S100A8: variants seen among roughly 807,000 people sequenced by gnomAD.
S100A8 encodes S100 calcium binding protein A8, also known as protein S100-A8.
S100A8 carries 1 observed loss-of-function variant against 4.2 expected under a neutral mutation model. The observed-to-expected ratio is 0.24, with a 90% confidence interval of 0.08 to 1.12. The LOEUF (loss-of-function observed/expected upper bound fraction) is 1.12, where lower values mean the gene tolerates loss of function less well. S100A8 is among the 50% of genes most tolerant of loss of function. S100A8 has a pLI of 0.53. For synonymous variants in S100A8, 41 were observed against 44.7 expected (o/e 0.92, Z 0.33); for missense variants, 96 against 111.8 (o/e 0.86, Z 0.64).
the S100A8 span, among the ~76,000 whole-genome samples, chr1:153,411,148 A>G: frequency 2.0e-5 from 3 of 152,164 alleles, no homozygotes; most frequent in Non-Finnish European, 1.5e-5. Context: ...GGCAGGAGAA[A>G]GAAATAAAGG....
the S100A8 span, among the ~76,000 whole-genome samples, chr1:153,417,526 A>T: frequency 6.6e-6 from 1 of 152,168 alleles, no homozygotes; most frequent in Non-Finnish European, 1.5e-5. Context: ...CCACGCTCAC[A>T]TGTGCACCTG....
the S100A8 span, chr1:153,419,235 T>C: frequency 1.2e-6 from 2 of 1,614,234 alleles, no homozygotes; most frequent in Non-Finnish European, 1.7e-6. Flanking sequence ...GTTTCTGTCC[T>C]TGCTGGGAGA....
At chr1:153,391,221 T>C (rs1662089749), upstream of S100A8, 1 of 985,252 alleles carries the variant, frequency 1.0e-6, no homozygotes, top group Non-Finnish European at 1.2e-6. Flanking sequence ...CTGTGCAGAA[T>C]GAAAATTTTG....
chr1:153,416,076 G>T, the S100A8 span, among the ~76,000 whole-genome samples: 1 of 152,194 alleles, frequency 6.6e-6, no homozygotes, highest in Non-Finnish European at 1.5e-5. Context: ...AGAGCAGCAG[G>T]TGTCTTGATG....
the S100A8 span, chr1:153,418,059 C>T: frequency 3.1e-6 from 5 of 1,613,244 alleles, no homozygotes; most frequent in East Asian, 2.2e-5. Flanking sequence ...GTCTTTATTT[C>T]CTGAAGGCTT....
the S100A8 span, among the ~76,000 whole-genome samples, chr1:153,412,704 A>G: frequency 5.3e-5 from 8 of 152,206 alleles, no homozygotes; most frequent in Non-Finnish European, 8.8e-5. Flanking sequence ...TTGCAGCACT[A>G]TTCACAATAG....
chr1:153,402,114 A>C, the S100A8 span, among the ~76,000 whole-genome samples: 1 of 152,182 alleles, frequency 6.6e-6, no homozygotes, highest in African/African-American at 2.4e-5. Flanking sequence ...ATTTGAGCAT[A>C]GGGAGTCCCT....
At position 153,390,512 on chromosome 1, in the gene S100A8, G is replaced by C. The variant is rs1662065141; in HGVS notation, c.24C>G (p.Ala8=). 8.1e-6 allele frequency: 13 copies of C among 1,614,206 alleles called. No individual in the cohort carries two copies. The highest frequency in any genetic ancestry group is 1.1e-5 in the Non-Finnish European group (13 of 1,180,034). The part of the protein sequence containing the change: MLTELEK[A]LNSIIDVYHK... Reference sequence around the variant, plus strand: ...GGTAGACGTCGATGATAGAGTTCAAGGCTTTCTCCAGCTCGGTCAACATGA... The same window carrying C: ...GGTAGACGTCGATGATAGAGTTCAACGCTTTCTCCAGCTCGGTCAACATGA... Residue 8 remains alanine, a synonymous_variant, in exon 2 of 3, where the codon GCC becomes GCG. Coordinates refer to ENST00000368733, the MANE Select transcript of S100A8 (RefSeq NM_002964.5).
At chr1:153,415,308 A>C in the S100A8 span, among the ~76,000 whole-genome samples, 17 of 152,102 alleles carry the variant, frequency 1.1e-4, no homozygotes, top group Non-Finnish European at 1.6e-4. Context: ...AAGTTGAAGA[A>C]AGATGATGGG....
At chr1:153,397,043 G>C in the S100A8 span, among the ~76,000 whole-genome samples, 1 of 152,252 alleles carries the variant, frequency 6.6e-6, no homozygotes, top group Non-Finnish European at 1.5e-5. Flanking sequence ...ATGGTTTACT[G>C]TCTGCAGTGC....
chr1:153,390,965 G>A, intron 1 of S100A8, 76 bp downstream of exon 1: 2 of 963,820 alleles, frequency 2.1e-6, no homozygotes, highest in Non-Finnish European at 2.5e-6. Flanking sequence ...TCCTCTCTCA[G>A]GAAGGCTGCT....
At chr1:153,401,458 CAT>C in the S100A8 span, among the ~76,000 whole-genome samples, 1 of 152,170 alleles carries the variant, frequency 6.6e-6, no homozygotes, top group Non-Finnish European at 1.5e-5. Flanking sequence ...GAACCATAAA[CAT>C]GGTGCCAAGC....
At chr1:153,415,552 A>G in the S100A8 span, among the ~76,000 whole-genome samples, 1 of 152,172 alleles carries the variant, frequency 6.6e-6, no homozygotes, top group Non-Finnish European at 1.5e-5. Context: ...GGCTTTCCAC[A>G]GCAGGTTAGG....
chr1:153,414,677 T>A, the S100A8 span, among the ~76,000 whole-genome samples: 1 of 152,174 alleles, frequency 6.6e-6, no homozygotes, highest in Non-Finnish European at 1.5e-5. Flanking sequence ...CACAAAATAG[T>A]ACAGCCACTT....
At chr1:153,414,117 G>A in the S100A8 span, among the ~76,000 whole-genome samples, 1 of 151,890 alleles carries the variant, frequency 6.6e-6, no homozygotes, top group African/African-American at 2.4e-5. Flanking sequence ...AACTCAAAAT[G>A]AATCATAGAC....
the S100A8 span, chr1:153,418,175 C>T: frequency 6.2e-7 from 1 of 1,614,012 alleles, no homozygotes; most frequent in Non-Finnish European, 8.5e-7. Flanking sequence ...AGAAGCCAAG[C>T]CTGCTGACGA....
the S100A8 span, among the ~76,000 whole-genome samples, chr1:153,405,489 G>A: frequency 6.6e-6 from 1 of 150,884 alleles, no homozygotes; most frequent in African/African-American, 2.4e-5. Context: ...ATACCCTGCT[G>A]GGCAAAGGCG....
At chr1:153,406,688 G>A in the S100A8 span, among the ~76,000 whole-genome samples, 2 of 152,292 alleles carry the variant, frequency 1.3e-5, no homozygotes, top group Non-Finnish European at 2.9e-5. Context: ...GGGGAGAGGC[G>A]AGCTCCCCAA....
the S100A8 span, chr1:153,418,326 A>C: frequency 6.7e-7 from 1 of 1,489,970 alleles, no homozygotes; most frequent in Non-Finnish European, 9.1e-7. Flanking sequence ...CTCTGATTAA[A>C]AAGTTTCCCA....
Sources: allele counts gnomAD v4.1 joint callset (sites outside exome capture counted in the v4.1 genomes callset), GRCh38; gene constraint gnomAD v4.1.1; transcripts MANE v1.5; gene names NCBI Gene and HGNC (gene_info 2026-07-23, HGNC 2026-07-21).